Variants in GPHN observed in about 807,000 individuals in gnomAD.
GPHN encodes the protein gephyrin.
In GPHN, 17 loss-of-function variants were observed where a neutral mutation model predicts 95.5. The ratio of observed to expected loss-of-function variants is 0.18; its 90% CI spans 0.12 to 0.27. The LOEUF is 0.27. GPHN is among the 10% of genes least tolerant of loss of function. The probability of loss-of-function intolerance (pLI) is 1.00; values close to 1 mark genes in which losing one functional copy is unlikely to be tolerated. For missense variants in GPHN, 660 were observed against 978.1 expected (o/e 0.67, Z 4.34); for synonymous variants, 320 against 322.5 (o/e 0.99, Z 0.08).
intron 8 of GPHN, among the ~76,000 whole-genome samples, chr14:66,930,864 G>A (rs1484521893): frequency 6.6e-6 from 1 of 152,088 alleles, no homozygotes; most frequent in Non-Finnish European, 1.5e-5. Flanking sequence ...TCCTACTCAA[G>A]ATATGAGATG....
chr14:67,303,709 A>G, the GPHN span: 56 of 745,620 alleles, frequency 7.5e-5, no homozygotes, highest in Non-Finnish European at 4.3e-5. Flanking sequence ...AATAAATTCA[A>G]TCATTTTTAT....
the GPHN span, chr14:67,729,585 A>T: frequency 3.1e-6 from 2 of 646,450 alleles, no homozygotes; most frequent in South Asian, 3.6e-5. Flanking sequence ...TTCTGGCTTT[A>T]TTTTATACTC....
At chr14:67,730,906 A>C in the GPHN span, among the ~76,000 whole-genome samples, 1 of 152,014 alleles carries the variant, frequency 6.6e-6, no homozygotes, top group Non-Finnish European at 1.5e-5. Context: ...GCCCAGCCCC[A>C]AGCATTTCTG....
chr14:66,859,827 A>G (rs2062955017), intron 4 of GPHN, among the ~76,000 whole-genome samples: 1 of 152,320 alleles, frequency 6.6e-6, no homozygotes, highest in South Asian at 2.1e-4. Context: ...GGAAAATGCA[A>G]TTGACACACC....
At chr14:67,421,005 C>A in the GPHN span, among the ~76,000 whole-genome samples, 1 of 152,156 alleles carries the variant, frequency 6.6e-6, no homozygotes, top group East Asian at 1.9e-4. Flanking sequence ...TGGTCAGGGA[C>A]CACATCTTGA....
the GPHN span, among the ~76,000 whole-genome samples, chr14:67,310,403 G>C: frequency 6.6e-6 from 1 of 152,068 alleles, no homozygotes; most frequent in Non-Finnish European, 1.5e-5. Context: ...AATATACAGG[G>C]GAAAATAATC....
intron 11 of GPHN, among the ~76,000 whole-genome samples, chr14:67,069,979 A>G (rs996136056): frequency 2.6e-5 from 4 of 152,202 alleles, no homozygotes; most frequent in Non-Finnish European, 5.9e-5. Flanking sequence ...CCTTCAGTCT[A>G]GTAAGGTCTT....
intron 1 of GPHN, among the ~76,000 whole-genome samples, chr14:66,615,904 G>A (rs1052457086): frequency 1.3e-5 from 2 of 151,954 alleles, no homozygotes; most frequent in African/African-American, 4.8e-5. Context: ...TGTGTAAGGT[G>A]TAAGGAAGGG....
chr14:67,579,961 G>A, the GPHN span: 2 of 1,299,388 alleles, frequency 1.5e-6, no homozygotes, highest in South Asian at 2.8e-5. Context: ...ATGGGTGTCT[G>A]ACTGTTTGGT....
At chr14:67,671,614 A>T in the GPHN span, among the ~76,000 whole-genome samples, 1 of 152,218 alleles carries the variant, frequency 6.6e-6, no homozygotes, top group Non-Finnish European at 1.5e-5. Flanking sequence ...GGCTGGGTAG[A>T]CAACAAAGGT....
chr14:67,634,450 A>T, the GPHN span, among the ~76,000 whole-genome samples: 1 of 150,608 alleles, frequency 6.6e-6, no homozygotes, highest in South Asian at 2.1e-4. Flanking sequence ...AAAAAAAAAA[A>T]TTTAGCTAGG....
chr14:66,944,595 A>C (rs902201441), intron 8 of GPHN, among the ~76,000 whole-genome samples: 1 of 152,258 alleles, frequency 6.6e-6, no homozygotes, highest in Non-Finnish European at 1.5e-5. Context: ...AAAGGAAAAA[A>C]AGAAAAACAA....
intron 10 of GPHN, among the ~76,000 whole-genome samples, chr14:67,027,110 A>C (rs1337541288): frequency 1.3e-5 from 2 of 152,234 alleles, no homozygotes; most frequent in Non-Finnish European, 2.9e-5. Flanking sequence ...TATCAGTGCC[A>C]AAATTGTTTT....
the GPHN span, among the ~76,000 whole-genome samples, chr14:67,529,061 C>G: frequency 3.9e-5 from 6 of 152,170 alleles, no homozygotes; most frequent in Non-Finnish European, 7.3e-5. Flanking sequence ...CTTTACACCT[C>G]TACACCTTCA....
chr14:67,555,934 CGGCCCTTCCA>C, the GPHN span: 2 of 1,600,324 alleles, frequency 1.2e-6, no homozygotes, highest in Non-Finnish European at 1.7e-6. Flanking sequence ...GAATGACCGT[CGGCCCTTCCA>C]GGCCCTTCCC....
chr14:67,193,528 G>A, the GPHN span, among the ~76,000 whole-genome samples: 10 of 139,706 alleles, frequency 7.2e-5, no homozygotes, highest in Non-Finnish European at 1.4e-4. Context: ...TCTAGATATA[G>A]ATCTATAGAA....
chr14:67,097,572 C>G (rs2077464000), intron 12 of GPHN, among the ~76,000 whole-genome samples: 1 of 152,040 alleles, frequency 6.6e-6, no homozygotes, highest in South Asian at 2.1e-4. Context: ...TACCTGCACA[C>G]ACACACCCCT....
At chr14:67,627,822 C>G in the GPHN span, among the ~76,000 whole-genome samples, 2 of 152,180 alleles carry the variant, frequency 1.3e-5, no homozygotes, top group Non-Finnish European at 2.9e-5. Flanking sequence ...AGTACAGCAC[C>G]TGTCCCATTT....
intron 5 of GPHN, among the ~76,000 whole-genome samples, chr14:66,895,234 C>T (rs931960786): frequency 2.0e-5 from 3 of 152,190 alleles, no homozygotes; most frequent in Non-Finnish European, 4.4e-5. Flanking sequence ...TGGAAACCAA[C>T]ATTCTCATCA....
Sources: gnomAD v4.1 joint callset for allele counts (sites outside exome capture counted in the v4.1 genomes callset) on GRCh38, gnomAD v4.1.1 for gene constraint, MANE v1.5 for transcripts, NCBI Gene and HGNC (gene_info 2026-07-23, HGNC 2026-07-21) for gene names.